The following LOXL1 variants were observed in gnomAD, a reference collection of about 807,000 sequenced individuals.
The protein encoded by LOXL1 is lysyl oxidase homolog 1.
LOXL1 carries 31 observed loss-of-function variants against 62.2 expected under a neutral mutation model. The observed-to-expected ratio is 0.50, with a 90% confidence interval of 0.37 to 0.67. LOXL1 has a LOEUF of 0.67. Among genes scored for constraint, LOXL1 ranks in the 30% least tolerant of loss-of-function variants. The pLI, the probability that LOXL1 is intolerant of heterozygous loss-of-function variation, is 0.00. For synonymous variants in LOXL1, 403 were observed against 384.4 expected (o/e 1.05, Z -0.56); for missense variants, 775 against 843.4 (o/e 0.92, Z 1.00).
chr15:73,935,934 G>GGGGTGTGTGTGTGT, intron 1 of LOXL1, among the ~76,000 whole-genome samples: 1 of 131,936 alleles, frequency 7.6e-6, no homozygotes, highest in East Asian at 2.3e-4. Context: ...AGGTAGAGCT[G>GGGGTGTGTGTGTGT]GTGTGTGTGT....
At chr15:73,928,291 G>A (rs920107152) in intron 1 of LOXL1, 16 of 170,880 alleles carry the variant, frequency 9.4e-5, no homozygotes, top group African/African-American at 3.8e-4. Flanking sequence ...TTCTATGCCA[G>A]CTCACAGGGT....
At chr15:73,934,268 C>T (rs975960122) in intron 1 of LOXL1, among the ~76,000 whole-genome samples, 1 of 152,218 alleles carries the variant, frequency 6.6e-6, no homozygotes, top group Admixed American at 6.5e-5. Flanking sequence ...TGCCACCAGA[C>T]GTTTTATGGA....
At chr15:73,943,103 C>T (rs577521848) in intron 2 of LOXL1, 141 bp downstream of exon 2, 10 of 666,412 alleles carry the variant, frequency 1.5e-5, no homozygotes, top group Admixed American at 2.4e-5. Context: ...GGACCCTGAC[C>T]GTTTCATCAG....
intron 1 of LOXL1, among the ~76,000 whole-genome samples, chr15:73,932,624 A>G (rs148744594): frequency 3.9e-5 from 6 of 152,312 alleles, no homozygotes; most frequent in African/African-American, 1.4e-4. Context: ...CGTTTGTGTA[A>G]CAAACACTCA....
rs188993314 is a variant in LOXL1, at chr15:73,947,612, A to G, written c.1507-195A>G. ...TCCATCTCGTCCCTCCCACCTGGCT[A>G]TTAGATATCTGTCTTTCCTCTGGTC... On this transcript the variant is annotated intron_variant, in intron 4 of 6. Coordinates refer to ENST00000261921, the MANE Select transcript of LOXL1 (RefSeq NM_005576.4). 48 of 522,046 alleles carry G rather than the reference A, an allele frequency of 9.2e-5. 1 individual carries two copies. In the South Asian group the frequency reaches 9.7e-4, roughly 11 times the overall value. 32.3% of individuals were successfully genotyped at this position (522,046 alleles called of 1,614,324 possible). A position where few individuals can be genotyped will look rare whatever the true frequency, so the allele number is the denominator to read the frequency against.
chr15:73,949,661 G>A, intron 6 of LOXL1, 87 bp downstream of exon 6: 3 of 875,760 alleles, frequency 3.4e-6, no homozygotes, highest in African/African-American at 1.6e-5. Flanking sequence ...TAAGATACCT[G>A]CACTTTAGGT....
chr15:73,946,976 G>A, intron 3 of LOXL1, 91 bp from the exon 4 acceptor site: 1 of 1,347,354 alleles, frequency 7.4e-7, no homozygotes, highest in South Asian at 1.5e-5. Flanking sequence ...GCCACAGCAG[G>A]GTCACCTGAG....
intron 4 of LOXL1, 166 bp from the exon 5 acceptor site, chr15:73,947,641 C>G (rs1197320546): frequency 1.8e-6 from 1 of 559,336 alleles, no homozygotes; most frequent in African/African-American, 1.9e-5. Context: ...TCTGGTCCAT[C>G]TAGCCAGTGG....
intron 1 of LOXL1, chr15:73,928,233 C>G: frequency 3.8e-6 from 1 of 260,672 alleles, no homozygotes; most frequent in Non-Finnish European, 7.2e-6. Flanking sequence ...CCCTCATCCA[C>G]CTTCTCCCTC....
intron 6 of LOXL1, among the ~76,000 whole-genome samples, chr15:73,950,487 C>T (rs1157760100): frequency 2.0e-5 from 3 of 152,132 alleles, no homozygotes; most frequent in Non-Finnish European, 4.4e-5. Context: ...AGGATTCAGT[C>T]TGTGACAAGG....
At chr15:73,941,189 T>G (rs1436821784) in intron 1 of LOXL1, among the ~76,000 whole-genome samples, 3 of 152,058 alleles carry the variant, frequency 2.0e-5, no homozygotes, top group Non-Finnish European at 4.4e-5. Flanking sequence ...CTGCAAACAT[T>G]CCTAGGGGCT....
At chr15:73,935,306 A>C (rs1266507492) in intron 1 of LOXL1, among the ~76,000 whole-genome samples, 1 of 152,096 alleles carries the variant, frequency 6.6e-6, no homozygotes. Flanking sequence ...TGTTCTTGAG[A>C]TAGAGCTGAG....
Position 73,927,859 on chromosome 15 carries a change from T to C in LOXL1, c.1076T>C (p.Val359Ala), listed in dbSNP as rs905975149. The C allele has an allele frequency of 2.6e-5, 35 of 1,332,688 alleles. No individual in the cohort carries two copies. The highest frequency in any genetic ancestry group is 4.6e-5 in the African/African-American group (3 of 64,894). 82.6% of individuals were successfully genotyped at this position (1,332,688 alleles called of 1,614,324 possible). ...CAGGGCCGCCTCAGCGTGGGCAGCG[T>C]GTACCGGCCCAACCAGAACGGCCGC... The part of the protein sequence containing the change: ...AQQGRLSVGS[V>A]YRPNQNGRGL... Residue 359 changes from valine to alanine, a missense_variant, in exon 1 of 7, where the codon GTG (valine) becomes GCG (alanine). Val to Ala is a moderately conservative substitution (Grantham distance 64, BLOSUM62 0). Coordinates refer to ENST00000261921, the MANE Select transcript of LOXL1 (RefSeq NM_005576.4).
rs565659555 is a variant in LOXL1 at position 73,945,004 on chromosome 15, A to T, written c.1212-1413A>T. ...AGGGAAGAGCCCCTGAGGCCAACAG[A>T]GTTAGCTGTCAGCCGTCAGCTAAAG... On this transcript the variant is annotated intron_variant, in intron 2 of 6. Transcript: ENST00000261921. This position sits in a 1 kb window ranked among gnomAD's most constrained non-coding sequence, Gnocchi z 4.3. Among the ~76,000 whole-genome samples, 4 of 152,168 alleles carry T rather than the reference A, an allele frequency of 2.6e-5. No homozygotes were observed. The highest frequency in any genetic ancestry group is 5.9e-5 in the Non-Finnish European group (4 of 68,038).
intron 4 of LOXL1, chr15:73,947,462 C>T (rs1028303790): frequency 1.7e-5 from 9 of 520,618 alleles, no homozygotes; most frequent in African/African-American, 1.1e-4. Flanking sequence ...AAGGAAACAT[C>T]GCAACAGTCT....
intron 1 of LOXL1, among the ~76,000 whole-genome samples, chr15:73,940,379 C>G (rs780686970): frequency 3.9e-5 from 6 of 152,222 alleles, no homozygotes; most frequent in South Asian, 4.1e-4. Context: ...AAATGCCCCT[C>G]CTCCATAACT....
intron 1 of LOXL1, among the ~76,000 whole-genome samples, chr15:73,936,370 G>C (rs1211545211): frequency 6.6e-6 from 1 of 152,104 alleles, no homozygotes; most frequent in African/African-American, 2.4e-5. Context: ...CTAGGGAATC[G>C]GGCAGCCAGC....
rs1181978125 is a variant in LOXL1, at chr15:73,926,850, G to C, written c.67G>C (p.Val23Leu). Reference sequence around the variant, plus strand: ...GTGGGGCGCCTGCCTGTGCGTGCTGGTGCACGGGCAGCAGGCGCAGCCCGG... The same window carrying C: ...GTGGGGCGCCTGCCTGTGCGTGCTGCTGCACGGGCAGCAGGCGCAGCCCGG... The part of the protein sequence containing the change: ...LVWGACLCVL[V>L]HGQQAQPGQG... The change falls in exon 1 of 7, where the codon GTG becomes CTG. Residue 23 changes from valine to leucine, a missense_variant. Physicochemically the swap from Val to Leu is conservative, Grantham distance 32. Coordinates refer to ENST00000261921, the MANE Select transcript of LOXL1 (RefSeq NM_005576.4). 6.5e-7 allele frequency: 1 copy of C among 1,544,010 alleles called. No individual in the cohort carries two copies. The highest frequency in any genetic ancestry group is 2.0e-5 in the Admixed American group (1 of 50,334).
intron 2 of LOXL1, among the ~76,000 whole-genome samples, chr15:73,944,873 A>G (rs2068737374): frequency 6.6e-6 from 1 of 152,210 alleles, no homozygotes; most frequent in Admixed American, 6.5e-5. Flanking sequence ...ATCCTGGCAG[A>G]CAGTCTGAGC....
Sources: gnomAD v4.1 joint callset for allele counts (sites outside exome capture counted in the v4.1 genomes callset) on GRCh38, gnomAD v4.1.1 for gene constraint, Gnocchi (gnomAD v3.1) non-coding constraint, MANE v1.5 for transcripts, NCBI Gene and HGNC (gene_info 2026-07-23, HGNC 2026-07-21) for gene names.